Variants in PRKAR1B observed in about 807,000 individuals in gnomAD.
The protein encoded by PRKAR1B is protein kinase cAMP-dependent type I regulatory subunit beta.
In PRKAR1B, 22 loss-of-function variants were observed where a neutral mutation model predicts 46.5. That is an observed-to-expected ratio of 0.47 (90% CI 0.34 to 0.68). PRKAR1B has a LOEUF of 0.68. Ranked by LOEUF, PRKAR1B falls within the 30% of genes least tolerant of loss-of-function variation. The pLI, the probability that PRKAR1B is intolerant of heterozygous loss-of-function variation, is 0.01. For synonymous variants in PRKAR1B, 259 were observed against 217.7 expected (o/e 1.19, Z -1.67); for missense variants, 445 against 535.6 (o/e 0.83, Z 1.67).
chr7:550,138 G>A lies in PRKAR1B; in HGVS notation c.*292C>T. Reference sequence around the variant, plus strand: ...TCCAGGAGACTGGCAGGGGTGGGGTGGGCCCCCCAGGAGAAGCCCACAGAG... The same window carrying A: ...TCCAGGAGACTGGCAGGGGTGGGGTAGGCCCCCCAGGAGAAGCCCACAGAG... On this transcript the variant is annotated 3_prime_UTR_variant, in exon 11 of 11. Coordinates refer to ENST00000537384, the MANE Select transcript of PRKAR1B (RefSeq NM_001164760.2). 1 of 407,008 alleles carries A rather than the reference G, an allele frequency of 2.5e-6. No homozygotes were observed. The highest frequency in any genetic ancestry group is 4.5e-6 in the Non-Finnish European group (1 of 221,956). 25.2% of individuals were successfully genotyped at this position (407,008 alleles called of 1,614,324 possible).
In PRKAR1B at chr7:568,796, AATC is replaced by A. The variant is rs201738631; in HGVS notation, c.891+10457_891+10459del. ...TAAGTCTCCTCGCTTTGCTGCCAGG[AATC>A]TGGTCAGGGTAATCCGGGACCTTGG... On this transcript the variant is annotated intron_variant, in intron 9 of 10. Transcript: ENST00000537384. Among the ~76,000 whole-genome samples the A allele has an allele frequency of 2.7e-3, 413 of 152,326 alleles. 10 individuals are homozygous for A. In the East Asian group the frequency reaches 0.051, roughly 19 times the overall value.
chr7:639,881 C>G (rs1784298602), intron 4 of PRKAR1B, among the ~76,000 whole-genome samples: 1 of 150,404 alleles, frequency 6.6e-6, no homozygotes, highest in African/African-American at 2.5e-5. Context: ...GAAAGAAAAA[C>G]TGGCCGGGTG....
At chr7:573,269 G>A (rs188822976) in intron 9 of PRKAR1B, among the ~76,000 whole-genome samples, 2 of 152,346 alleles carry the variant, frequency 1.3e-5, no homozygotes, top group East Asian at 1.9e-4. Context: ...CCCTCGGGTT[G>A]AGTTTCGTCC....
chr7:663,439 G>T (rs1785725280), intron 4 of PRKAR1B, among the ~76,000 whole-genome samples: 1 of 152,098 alleles, frequency 6.6e-6, no homozygotes, highest in Non-Finnish European at 1.5e-5. Flanking sequence ...GTCTTGCTAT[G>T]CTGCCCAGGC....
At chr7:551,257 CTG>C (rs1784174001) in intron 10 of PRKAR1B, 130 bp downstream of exon 10, 1 of 837,332 alleles carries the variant, frequency 1.2e-6, no homozygotes. Flanking sequence ...TGCAGCCACA[CTG>C]GGGCTCAGCC....
chr7:559,340 G>T (rs888103889), intron 9 of PRKAR1B, among the ~76,000 whole-genome samples: 1 of 152,186 alleles, frequency 6.6e-6, no homozygotes, highest in Admixed American at 6.5e-5. Context: ...CGCATCCCAG[G>T]CCGAGAGAGG....
At chr7:704,389 A>G (rs1337910950) in intron 2 of PRKAR1B, among the ~76,000 whole-genome samples, 2 of 152,234 alleles carry the variant, frequency 1.3e-5, no homozygotes, top group East Asian at 1.9e-4. Flanking sequence ...GGAATGAAAT[A>G]ATACAAACAC....
intron 4 of PRKAR1B, among the ~76,000 whole-genome samples, chr7:636,739 C>A (rs1784130676): frequency 6.6e-6 from 1 of 152,210 alleles, no homozygotes; most frequent in Non-Finnish European, 1.5e-5. Context: ...GGGGAGGGGG[C>A]CGGCGGGACC....
chr7:712,444 G>T (rs1217263594), intron 1 of PRKAR1B: 2 of 148,812 alleles, frequency 1.3e-5, no homozygotes, highest in Admixed American at 1.3e-4. Context: ...GCCAGGAGGC[G>T]GCTGCGCGGG....
chr7:728,728 G>A (rs545581558), upstream of PRKAR1B, among the ~76,000 whole-genome samples: 14 of 152,336 alleles, frequency 9.2e-5, no homozygotes, highest in African/African-American at 3.1e-4. Context: ...AGCCCCAAGC[G>A]CAGCCTGCTG....
rs111967417 is a variant in PRKAR1B at position 704,398 on chromosome 7, A to C, written c.177+6931T>G. Among the ~76,000 whole-genome samples the C allele has an allele frequency of 2.0e-3, 299 of 152,322 alleles. 1 individual carries two copies. Among genetic ancestry groups the C allele is most frequent in the African/African-American group, 6.9e-3 (288 of 41,582 alleles). ...ACCTCAGGAATGAAATAATACAAAC[A>C]CTACAGACATTAAAAGGATGAGGTA... On this transcript the variant is annotated intron_variant, in intron 2 of 10. Transcript: ENST00000537384.
At chr7:638,431 G>A (rs1017229994) in intron 4 of PRKAR1B, among the ~76,000 whole-genome samples, 3 of 152,090 alleles carry the variant, frequency 2.0e-5, no homozygotes, top group East Asian at 1.9e-4. Flanking sequence ...AGGTGAAGTC[G>A]GCTCAGCAAC....
At chr7:551,251 G>T in intron 10 of PRKAR1B, 138 bp downstream of exon 10, 1 of 802,002 alleles carries the variant, frequency 1.2e-6, no homozygotes. Context: ...TTCTGTTGCA[G>T]CCACACTGGG....
chr7:698,751 C>A (rs528623741), intron 2 of PRKAR1B, among the ~76,000 whole-genome samples: 102 of 151,992 alleles, frequency 6.7e-4, no homozygotes, highest in African/African-American at 2.4e-3. Context: ...TGTGCACACA[C>A]GACTCCACGT....
chr7:657,729 T>C (rs1785289109), intron 4 of PRKAR1B, among the ~76,000 whole-genome samples: 1 of 152,194 alleles, frequency 6.6e-6, no homozygotes, highest in Non-Finnish European at 1.5e-5. Context: ...TTAGCAACTG[T>C]TGCTTTTTTT....
At chr7:711,848 G>C (rs1015152553) in intron 1 of PRKAR1B, among the ~76,000 whole-genome samples, 2 of 151,616 alleles carry the variant, frequency 1.3e-5, no homozygotes, top group African/African-American at 4.8e-5. Flanking sequence ...GAGTGGGGGG[G>C]CCCGGCGCCC....
intron 9 of PRKAR1B, among the ~76,000 whole-genome samples, chr7:556,125 C>T (rs1015410624): frequency 7.2e-5 from 11 of 152,166 alleles, no homozygotes; most frequent in African/African-American, 2.7e-4. Flanking sequence ...CAGGCACCCC[C>T]AGGCCACCCT....
At chr7:651,450 T>A (rs891342655) in intron 4 of PRKAR1B, among the ~76,000 whole-genome samples, 31 of 152,222 alleles carry the variant, frequency 2.0e-4, no homozygotes, top group African/African-American at 7.5e-4. Context: ...CCTGTGTTAT[T>A]TATCACACAG....
chr7:687,231 G>A (rs6977390), intron 2 of PRKAR1B, among the ~76,000 whole-genome samples: 119,167 of 152,190 alleles, frequency 0.78, 46,743 homozygotes, highest in South Asian at 0.87. Flanking sequence ...TCAAAACCCA[G>A]GAGAAGCAAA....
Sources: gnomAD v4.1 joint callset for allele counts (sites outside exome capture counted in the v4.1 genomes callset) on GRCh38, gnomAD v4.1.1 for gene constraint, MANE v1.5 for transcripts, NCBI Gene and HGNC (gene_info 2026-07-23, HGNC 2026-07-21) for gene names.